Variants in GPHN observed in about 807,000 individuals in gnomAD.
The protein encoded by GPHN is gephyrin.
Under a neutral mutation model 95.5 loss-of-function variants are expected in GPHN, and 17 were observed. The ratio of observed to expected loss-of-function variants is 0.18; its 90% confidence interval spans 0.12 to 0.27. The LOEUF (loss-of-function observed/expected upper bound fraction) is 0.27. GPHN is among the 10% of genes least tolerant of loss of function. The pLI is 1.00. For synonymous variants in GPHN, 320 were observed against 322.5 expected, an observed-to-expected ratio of 0.99 and a Z score of 0.08; for missense variants, 660 against 978.1, an observed-to-expected ratio of 0.67 and a Z score of 4.34.
the GPHN span, among the ~76,000 whole-genome samples, chr14:67,664,315 C>T: frequency 1.3e-5 from 2 of 152,176 alleles, no homozygotes; most frequent in Non-Finnish European, 2.9e-5. Flanking sequence ...TTTCACTACT[C>T]CAGGTACACC....
chr14:66,508,480 C>A lies in GPHN; in HGVS notation c.-48C>A. 1.9e-6 allele frequency: 3 copies of A among 1,584,570 alleles called. No homozygotes were observed. The highest frequency in any genetic ancestry group is 1.7e-6 in the Non-Finnish European group (2 of 1,153,174). ...GCGCTCCCGGCCCGCGCGCTCCGGG[C>A]TCCGGTTTCTCCCGGCTCCTGTCAG... On this transcript the variant is annotated 5_prime_UTR_variant, in exon 1 of 23. Coordinates refer to ENST00000478722, the MANE Select transcript of GPHN (RefSeq NM_020806.5).
intron 3 of GPHN, among the ~76,000 whole-genome samples, chr14:66,796,536 A>G (rs982814147): frequency 6.6e-6 from 1 of 152,040 alleles, no homozygotes; most frequent in Non-Finnish European, 1.5e-5. Context: ...TGTCCTTTTG[A>G]TAAAAGCCAT....
the GPHN span, among the ~76,000 whole-genome samples, chr14:67,287,045 G>A: frequency 2.6e-5 from 4 of 151,846 alleles, no homozygotes; most frequent in African/African-American, 9.7e-5. Context: ...GTGAAATCTT[G>A]TCTCTACAAA....
At chr14:67,130,871 T>G (rs1371453071) in intron 17 of GPHN, among the ~76,000 whole-genome samples, 1 of 152,198 alleles carries the variant, frequency 6.6e-6, no homozygotes, top group African/African-American at 2.4e-5. Flanking sequence ...AATGATCATA[T>G]CCCTAAACAT....
At chr14:66,789,270 T>C (rs2059889870) in intron 3 of GPHN, among the ~76,000 whole-genome samples, 1 of 152,232 alleles carries the variant, frequency 6.6e-6, no homozygotes, top group Admixed American at 6.5e-5. Context: ...TTTCCATGCC[T>C]TCTTATAATC....
intron 1 of GPHN, among the ~76,000 whole-genome samples, chr14:66,557,261 A>G (rs1006984657): frequency 6.6e-6 from 1 of 151,096 alleles, no homozygotes; most frequent in East Asian, 1.9e-4. Context: ...AGATAGATAG[A>G]TAGATAGATA....
At chr14:66,720,122 T>G (rs945264196) in intron 2 of GPHN, among the ~76,000 whole-genome samples, 2 of 152,174 alleles carry the variant, frequency 1.3e-5, no homozygotes, top group African/African-American at 4.8e-5. Context: ...CCATTAAATT[T>G]TATAATTATG....
chr14:66,862,304 C>G (rs1026883088), intron 4 of GPHN, among the ~76,000 whole-genome samples: 3 of 151,868 alleles, frequency 2.0e-5, no homozygotes, highest in African/African-American at 7.2e-5. Context: ...AATCCAAAAC[C>G]TGAACAGAGC....
At chr14:67,330,465 T>G in the GPHN span, among the ~76,000 whole-genome samples, 1 of 150,332 alleles carries the variant, frequency 6.7e-6, no homozygotes, top group African/African-American at 2.4e-5. Flanking sequence ...ATTTTTTTTT[T>G]TTTTTTTTTT....
intron 11 of GPHN, among the ~76,000 whole-genome samples, chr14:67,085,760 C>A (rs1455355082): frequency 6.6e-6 from 1 of 152,168 alleles, no homozygotes; most frequent in Non-Finnish European, 1.5e-5. Flanking sequence ...GGTTCAATAG[C>A]ATTAAGTACA....
the GPHN span, chr14:67,395,398 T>A: frequency 6.2e-7 from 1 of 1,613,110 alleles, no homozygotes; most frequent in Admixed American, 1.7e-5. Context: ...AGTGGGGCAC[T>A]CACTGCAGGC....
chr14:66,964,785 T>C (rs1272812299), intron 8 of GPHN, among the ~76,000 whole-genome samples: 1 of 152,184 alleles, frequency 6.6e-6, no homozygotes, highest in Non-Finnish European at 1.5e-5. Flanking sequence ...AAATAATTTG[T>C]TGATGGTGTG....
At chr14:67,574,931 C>T in the GPHN span, among the ~76,000 whole-genome samples, 3 of 152,176 alleles carry the variant, frequency 2.0e-5, no homozygotes, top group African/African-American at 7.2e-5. This position sits in a 1 kb window ranked among gnomAD's most constrained non-coding sequence, Gnocchi z 4.2. Flanking sequence ...TCAGCAAGCT[C>T]AGGGCTGGCA....
chr14:67,415,170 A>G, the GPHN span, among the ~76,000 whole-genome samples: 1 of 152,262 alleles, frequency 6.6e-6, no homozygotes, highest in East Asian at 1.9e-4. Context: ...CAAAAGGGAT[A>G]AAACCACCCT....
chr14:66,577,943 G>T (rs752443578), intron 1 of GPHN, among the ~76,000 whole-genome samples: 1 of 151,902 alleles, frequency 6.6e-6, no homozygotes, highest in Non-Finnish European at 1.5e-5. Flanking sequence ...AGTAGTAAAT[G>T]TAAATATTTT....
the GPHN span, among the ~76,000 whole-genome samples, chr14:67,256,351 G>A: frequency 2.6e-5 from 4 of 152,028 alleles, no homozygotes; most frequent in African/African-American, 9.7e-5. Flanking sequence ...AGAGCTTCAT[G>A]CTCTAGTAGT....
At chr14:67,549,125 A>C in the GPHN span, among the ~76,000 whole-genome samples, 2 of 152,216 alleles carry the variant, frequency 1.3e-5, no homozygotes, top group Non-Finnish European at 2.9e-5. Flanking sequence ...AGTTGGAAGT[A>C]TGTTGAAGTT....
chr14:67,134,953 C>CTTCTTTT (rs573340363), intron 17 of GPHN, among the ~76,000 whole-genome samples: 6 of 45,240 alleles, frequency 1.3e-4, no homozygotes, highest in Non-Finnish European at 2.1e-4. Flanking sequence ...TTTCTTTCTT[C>CTTCTTTT]TTTTTTTTTT....
chr14:67,014,443 C>T (rs944746018), intron 9 of GPHN, among the ~76,000 whole-genome samples: 2 of 152,050 alleles, frequency 1.3e-5, no homozygotes, highest in Non-Finnish European at 2.9e-5. Flanking sequence ...TACCATTCTC[C>T]GTCACCCCTA....
Sources: gnomAD v4.1 joint callset for allele counts (sites outside exome capture counted in the v4.1 genomes callset) on GRCh38, gnomAD v4.1.1 for gene constraint, Gnocchi (gnomAD v3.1) non-coding constraint, MANE v1.5 for transcripts, NCBI Gene and HGNC (gene_info 2026-07-23, HGNC 2026-07-21) for gene names.